ANO3: variants seen among roughly 807,000 people sequenced by gnomAD.
ANO3 encodes anoctamin 3, also known as anoctamin-3.
ANO3 carries 99 observed loss-of-function variants against 144.8 expected under a neutral mutation model. The observed-to-expected ratio is 0.68, with a 90% CI of 0.58 to 0.81. The LOEUF (loss-of-function observed/expected upper bound fraction) is 0.81, where lower values mean the gene tolerates loss of function less well. Ranked by LOEUF, ANO3 falls within the 30% of genes least tolerant of loss-of-function variation. The pLI, the probability that ANO3 is intolerant of heterozygous loss-of-function variation, is 0.00. For missense variants in ANO3, 905 were observed against 1,202.2 expected (o/e 0.75, Z 3.66); for synonymous variants, 414 against 392.6 (o/e 1.05, Z -0.64).
At chr11:26,413,436 G>A (rs1005782409) in intron 1 of ANO3, among the ~76,000 whole-genome samples, 1 of 151,840 alleles carries the variant, frequency 6.6e-6, no homozygotes, top group Non-Finnish European at 1.5e-5. Context: ...TAACTTAAAT[G>A]CATTTCCTTA....
chr11:26,456,775 C>T (rs1224812716), intron 3 of ANO3, among the ~76,000 whole-genome samples: 7 of 131,024 alleles, frequency 5.3e-5, no homozygotes, highest in East Asian at 2.2e-4. Flanking sequence ...CACATGCACA[C>T]GTATGTTTAT....
rs7928987 is a variant in ANO3 at position 26,559,977 on chromosome 11, C to T, written c.1447+198C>T. The T allele has an allele frequency of 0.081, 35,726 of 440,510 alleles. 1,874 individuals are homozygous for T. The highest frequency in any genetic ancestry group is 0.18 in the African/African-American group (8,986 of 50,278). 27.3% of individuals were successfully genotyped at this position (440,510 alleles called of 1,614,324 possible). A position where few individuals can be genotyped will look rare whatever the true frequency, so the allele number is the denominator to read the frequency against. On this transcript the variant is annotated intron_variant, in intron 14 of 26. Coordinates refer to ENST00000256737, the MANE Select transcript of ANO3 (RefSeq NM_031418.4). ...TAGGAATTTAACTCTTGATCTCATCCTCTAATCTCTAAAACCTAGACTTTC... is the reference window on the plus strand; with the variant it reads ...TAGGAATTTAACTCTTGATCTCATCTTCTAATCTCTAAAACCTAGACTTTC...
Position 26,654,039 on chromosome 11 carries a change from A to G in ANO3, c.2577-2086A>G, listed in dbSNP as rs548648086. On this transcript the variant is annotated intron_variant, in intron 24 of 26. Transcript: ENST00000256737. ...TCATTGGTCTATTGCCTTTCCTTGT[A>G]TGAAGATCACAGTGTCTTAATTACT... Among the ~76,000 whole-genome samples the G allele has an allele frequency of 2.0e-5, 3 of 152,288 alleles. No homozygotes were observed. In the East Asian group the frequency reaches 5.8e-4, roughly 29 times the overall value.
chr11:26,520,974 A>G (rs1248715924), intron 6 of ANO3, among the ~76,000 whole-genome samples: 3 of 152,116 alleles, frequency 2.0e-5, no homozygotes, highest in Admixed American at 2.0e-4. Flanking sequence ...TTGAGAAAAG[A>G]GTTTGAGAAC....
chr11:26,597,902 T>G (rs1001965333), intron 14 of ANO3, among the ~76,000 whole-genome samples: 8 of 152,232 alleles, frequency 5.3e-5, no homozygotes, highest in Non-Finnish European at 8.8e-5. Flanking sequence ...GTTTCTTCTC[T>G]TGTCTTTCTT....
chr11:26,189,018 C>T (rs1052867498), exon 1 of ANO3: 26 of 186,454 alleles, frequency 1.4e-4, no homozygotes, highest in Non-Finnish European at 2.4e-4. Flanking sequence ...AGAGTCAGCT[C>T]TGCATGTTTT....
In ANO3 at chr11:26,583,097, A is replaced by G. The variant is rs533212592; in HGVS notation, c.1448-15268A>G. On this transcript the variant is annotated intron_variant, in intron 14 of 26. Transcript: ENST00000256737. ...ATGTCTATTTAATATGCAAATGCCA[A>G]TACAATATTGAGTGACCACAAGAGT... 2.0e-4 allele frequency among the ~76,000 whole-genome samples: 30 copies of G among 152,338 alleles called. No homozygotes were observed. In the East Asian group the frequency reaches 5.4e-3, roughly 27 times the overall value.
chr11:26,656,137 A>G lies in ANO3; in HGVS notation c.2589A>G (p.Gly863=). The part of the protein sequence containing the change: ...HVEPSENCLK[G]YVNNSLSFFD... ...TCTTTTCTCCCAGTTGCTTGAAGGGATATGTCAACAATAGCCTATCCTTCT... is the reference window on the plus strand; with the variant it reads ...TCTTTTCTCCCAGTTGCTTGAAGGGGTATGTCAACAATAGCCTATCCTTCT... Residue 863 remains glycine (G), a synonymous_variant, in exon 25 of 27, where the codon GGA becomes GGG. Coordinates refer to ENST00000256737, the MANE Select transcript of ANO3 (RefSeq NM_031418.4). 2 of 1,613,202 alleles carry G rather than the reference A, an allele frequency of 1.2e-6. No individual in the cohort carries two copies. The highest frequency in any genetic ancestry group is 1.7e-6 in the Non-Finnish European group (2 of 1,179,390).
chr11:26,376,812 G>T (rs896927165), intron 1 of ANO3, among the ~76,000 whole-genome samples: 2 of 152,108 alleles, frequency 1.3e-5, no homozygotes, highest in Non-Finnish European at 2.9e-5. Flanking sequence ...TAATGATAGG[G>T]AAATTTTAAC....
intron 14 of ANO3, among the ~76,000 whole-genome samples, chr11:26,592,276 ATGT>A (rs200142590): frequency 0.011 from 1,693 of 151,882 alleles, 44 homozygotes; most frequent in African/African-American, 0.039. Flanking sequence ...GCTTTTTTAG[ATGT>A]TGTTTGAGTG....
At chr11:26,573,092 C>T (rs11822751) in intron 14 of ANO3, among the ~76,000 whole-genome samples, 7,375 of 152,212 alleles carry the variant, frequency 0.048, 382 homozygotes, top group East Asian at 0.22. Context: ...CCGTTCAGCT[C>T]AATATGCCTG....
intron 1 of ANO3, among the ~76,000 whole-genome samples, chr11:26,319,067 C>G (rs1854695246): frequency 1.3e-5 from 2 of 152,070 alleles, no homozygotes; most frequent in Non-Finnish European, 2.9e-5. Flanking sequence ...GCCTCAAGCT[C>G]CCAGGCTCAC....
At position 26,599,731 on chromosome 11, in the gene ANO3, T is replaced by G; in HGVS notation, c.1836+17T>G. Reference sequence around the variant, plus strand: ...CTGAATCTTGTAAGTGTCTATAATGTTATTCTTCAGTAGACAAAAAAGGGG... The same window carrying G: ...CTGAATCTTGTAAGTGTCTATAATGGTATTCTTCAGTAGACAAAAAAGGGG... On this transcript the variant is annotated intron_variant, in intron 17 of 26. Coordinates refer to ENST00000256737, the MANE Select transcript of ANO3 (RefSeq NM_031418.4). 6.2e-7 allele frequency: 1 copy of G among 1,606,016 alleles called. No homozygotes were observed. Among genetic ancestry groups the G allele is most frequent in the Non-Finnish European group, 8.5e-7 (1 of 1,174,410 alleles).
rs1332012803 is a variant in ANO3, at chr11:26,485,807, G to C, written c.433-22297G>C. Among the ~76,000 whole-genome samples the C allele has an allele frequency of 2.0e-5, 3 of 152,192 alleles. No homozygotes were observed. The South Asian group carries it at 6.2e-4, about 32-fold the overall frequency. ...CATTGGGGTAGGCAAATAATTTATT[G>C]ACTAAAACTTCAAAAGAAAAAGCAA... On this transcript the variant is annotated intron_variant, in intron 4 of 26. Transcript: ENST00000256737.
At chr11:26,392,053 C>T (rs1015161627) in intron 1 of ANO3, among the ~76,000 whole-genome samples, 3 of 152,038 alleles carry the variant, frequency 2.0e-5, no homozygotes, top group Non-Finnish European at 4.4e-5. Context: ...AGATGGAGTG[C>T]ATTCTTTACC....
chr11:26,531,068 C>T (rs1301413379), intron 7 of ANO3, 137 bp from the exon 8 acceptor site: 4 of 847,932 alleles, frequency 4.7e-6, no homozygotes, highest in Non-Finnish European at 7.1e-6. Flanking sequence ...AAGCAATGCA[C>T]GTGTATGTGT....
At chr11:26,565,062 CT>C in intron 14 of ANO3, 1 of 1,164,750 alleles carries the variant, frequency 8.6e-7, no homozygotes, top group Non-Finnish European at 1.2e-6. Context: ...CTATTGTGTT[CT>C]CTTCTGTTTT....
rs568303656 is a variant in ANO3 at position 26,662,699 on chromosome 11, CTGA to C, written c.*2257_*2259del. On this transcript the variant is annotated 3_prime_UTR_variant, in exon 27 of 27. Coordinates refer to ENST00000256737, the MANE Select transcript of ANO3 (RefSeq NM_031418.4). Reference sequence around the variant, plus strand: ...TACATTGATTTATAAAATGCCTTCTCTGATACTTTTGAAACAGATGTGAAAAAC... The same window carrying C: ...TACATTGATTTATAAAATGCCTTCTCTACTTTTGAAACAGATGTGAAAAAC... The C allele has an allele frequency of 6.1e-4, 93 of 151,746 alleles. No homozygotes were observed. The highest frequency in any genetic ancestry group is 2.1e-3 in the African/African-American group (86 of 41,418). The allele number at this position is 151,746 out of a possible 1,614,324, so 9.4% of individuals were successfully genotyped here. A position where few individuals can be genotyped will look rare whatever the true frequency, so the allele number is the denominator to read the frequency against.
At chr11:26,207,837 T>C (rs1851839814) in intron 1 of ANO3, among the ~76,000 whole-genome samples, 1 of 152,194 alleles carries the variant, frequency 6.6e-6, no homozygotes, top group Non-Finnish European at 1.5e-5. Context: ...GTATGTAAGA[T>C]TGAAGGCATA....
Sources: allele counts gnomAD v4.1 joint callset (sites outside exome capture counted in the v4.1 genomes callset), GRCh38; gene constraint gnomAD v4.1.1; transcripts MANE v1.5; gene names NCBI Gene and HGNC (gene_info 2026-07-23, HGNC 2026-07-21).